The following TMEM178B variants were observed in gnomAD, a reference collection of about 807,000 sequenced individuals.
TMEM178B encodes the protein transmembrane protein 178B.
TMEM178B carries 5 observed loss-of-function variants against 31.0 expected under a neutral mutation model. The ratio of observed to expected loss-of-function variants is 0.16; its 90% CI spans 0.08 to 0.34. The LOEUF (loss-of-function observed/expected upper bound fraction) is 0.34, where lower values mean the gene tolerates loss of function less well. TMEM178B is among the 10% of genes least tolerant of loss of function. The pLI is 1.00. For synonymous variants in TMEM178B, 164 were observed against 164.0 expected (o/e 1.00, Z 0.00); for missense variants, 275 against 400.3 (o/e 0.69, Z 2.67).
At position 141,120,547 on chromosome 7, in the gene TMEM178B, A is replaced by C. The variant is rs543421657; in HGVS notation, c.382+45855A>C. ...TCAAACTGCTAATAAAATACAACTA[A>C]AGGTGTCCTAAAGAAAAAAGCAGTC... is the stretch of plus-strand genomic sequence containing the variant. On this transcript the variant is annotated intron_variant, in intron 1 of 3. Transcript: ENST00000565468. Among the ~76,000 whole-genome samples the C allele has an allele frequency of 3.3e-4, 50 of 152,320 alleles. 1 individual carries two copies. Among genetic ancestry groups the C allele is most frequent in the Admixed American group, 3.3e-3 (50 of 15,304 alleles).
chr7:141,433,837 G>A (rs114323926), intron 2 of TMEM178B, among the ~76,000 whole-genome samples: 2,418 of 152,266 alleles, frequency 0.016, 60 homozygotes, highest in African/African-American at 0.054. Flanking sequence ...GTTCATGCAC[G>A]GCTCTGGCAA....
intron 1 of TMEM178B, among the ~76,000 whole-genome samples, chr7:141,151,991 A>C (rs749088851): frequency 2.6e-5 from 4 of 152,124 alleles, no homozygotes; most frequent in Admixed American, 2.6e-4. Flanking sequence ...GCAGTAAGCT[A>C]AGATCCACAG....
At chr7:141,139,766 GT>G (rs111634848) in intron 1 of TMEM178B, among the ~76,000 whole-genome samples, 8,756 of 144,686 alleles carry the variant, frequency 0.061, 836 homozygotes, top group African/African-American at 0.21. Context: ...TTAGAATGAA[GT>G]TTTTTTTTTT....
intron 3 of TMEM178B, among the ~76,000 whole-genome samples, chr7:141,465,787 C>T (rs1169423093): frequency 6.6e-6 from 1 of 152,088 alleles, no homozygotes; most frequent in African/African-American, 2.4e-5. Flanking sequence ...CTTTGGGAGG[C>T]CAAGGTGCCT....
At chr7:141,495,620 C>A in the TMEM178B span, among the ~76,000 whole-genome samples, 2,615 of 152,228 alleles carry the variant, frequency 0.017, 42 homozygotes, top group South Asian at 0.055. Flanking sequence ...GATACTTATA[C>A]AAAGATATTC....
At chr7:141,264,963 C>T (rs1487131415) in intron 2 of TMEM178B, among the ~76,000 whole-genome samples, 1 of 152,178 alleles carries the variant, frequency 6.6e-6, no homozygotes, top group East Asian at 1.9e-4. Flanking sequence ...AACATTATCA[C>T]ATTTAATTAT....
At chr7:141,486,316 G>A in the TMEM178B span, among the ~76,000 whole-genome samples, 1 of 152,148 alleles carries the variant, frequency 6.6e-6, no homozygotes, top group Non-Finnish European at 1.5e-5. Flanking sequence ...CATTATTCAG[G>A]TGATGGATAC....
chr7:141,361,639 G>A (rs1011202619), intron 2 of TMEM178B, among the ~76,000 whole-genome samples: 2 of 152,238 alleles, frequency 1.3e-5, no homozygotes, highest in Admixed American at 6.5e-5. Context: ...AGTGGTCAGA[G>A]CAGAGTAACC....
At chr7:141,502,256 C>A in the TMEM178B span, among the ~76,000 whole-genome samples, 4 of 151,952 alleles carry the variant, frequency 2.6e-5, no homozygotes, top group Non-Finnish European at 5.9e-5. Context: ...CTCTCCCAGT[C>A]TTGTCCCCAC....
intron 2 of TMEM178B, among the ~76,000 whole-genome samples, chr7:141,400,770 G>A (rs1390092384): frequency 6.6e-6 from 1 of 152,246 alleles, no homozygotes; most frequent in Non-Finnish European, 1.5e-5. Flanking sequence ...GCCTTGAGGT[G>A]TGAGTAGTAG....
chr7:141,352,022 C>T (rs1437853091), intron 2 of TMEM178B: 2 of 152,468 alleles, frequency 1.3e-5, no homozygotes, highest in African/African-American at 4.8e-5. Flanking sequence ...GTCCCCATGC[C>T]CTCGCTGCAG....
chr7:141,257,412 A>C lies in TMEM178B; in HGVS notation c.496+44708A>C, dbSNP rs775704202. ...CAAGATGTTGACACAAAAAATCTGT[A>C]GGATCTATGTTTCTGAATACTCAAA... On this transcript the variant is annotated intron_variant, in intron 2 of 3. Transcript: ENST00000565468. Among the ~76,000 whole-genome samples, 92 of 152,342 alleles carry C rather than the reference A, an allele frequency of 6.0e-4. 1 individual carries two copies. Among genetic ancestry groups the C allele is most frequent in the African/African-American group, 2.2e-3 (90 of 41,586 alleles).
At chr7:141,156,608 A>T (rs532108867) in intron 1 of TMEM178B, among the ~76,000 whole-genome samples, 19 of 152,364 alleles carry the variant, frequency 1.2e-4, no homozygotes, top group African/African-American at 4.6e-4. Flanking sequence ...CCTCCTGGGA[A>T]ATCAACAGGA....
intron 1 of TMEM178B, among the ~76,000 whole-genome samples, chr7:141,135,097 G>C (rs753917608): frequency 4.6e-5 from 7 of 152,154 alleles, no homozygotes; most frequent in Admixed American, 1.3e-4. Flanking sequence ...CTCCATGATT[G>C]TGAGGCCTCC....
chr7:141,472,173 G>T lies in TMEM178B; in HGVS notation c.*1387G>T, dbSNP rs2116732835. 1 of 152,256 alleles carries T rather than the reference G, an allele frequency of 6.6e-6. No individual in the cohort carries two copies. The highest frequency in any genetic ancestry group is 2.1e-4 in the South Asian group (1 of 4,818). The allele number at this position is 152,256 out of a possible 1,614,324, so 9.4% of individuals were successfully genotyped here. On this transcript the variant is annotated 3_prime_UTR_variant, in exon 4 of 4. Transcript: ENST00000565468. ...CTGGACATCTCCCCTTTCCCTAGGG[G>T]TGACCTCTGTACAAACGAAAGGAAG...
intron 2 of TMEM178B, among the ~76,000 whole-genome samples, chr7:141,266,773 C>T (rs759530597): frequency 8.5e-5 from 13 of 152,150 alleles, no homozygotes; most frequent in South Asian, 2.1e-4. Flanking sequence ...TCAGAAATAC[C>T]GCATTGCTGT....
intron 2 of TMEM178B, among the ~76,000 whole-genome samples, chr7:141,274,419 G>T (rs971364897): frequency 1.3e-5 from 2 of 152,110 alleles, no homozygotes; most frequent in East Asian, 3.9e-4. Context: ...CAACTCACTT[G>T]CTGCAAAAAT....
intron 3 of TMEM178B, among the ~76,000 whole-genome samples, chr7:141,455,520 G>A (rs574915371): frequency 1.4e-3 from 213 of 152,328 alleles, no homozygotes; most frequent in Non-Finnish European, 2.5e-3. Context: ...GTGATGAGAG[G>A]CAACTTAAAA....
At chr7:141,439,229 A>C (rs1801611687) in intron 3 of TMEM178B, among the ~76,000 whole-genome samples, 1 of 152,174 alleles carries the variant, frequency 6.6e-6, no homozygotes. Flanking sequence ...AAAGACAGGC[A>C]GGGTCTTTCC....
Sources: allele counts gnomAD v4.1 joint callset (sites outside exome capture counted in the v4.1 genomes callset), GRCh38; gene constraint gnomAD v4.1.1; transcripts MANE v1.5; gene names NCBI Gene and HGNC (gene_info 2026-07-23, HGNC 2026-07-21).